Variants in AMPH observed in about 807,000 individuals in gnomAD.
AMPH encodes amphiphysin (Stiff-Mann syndrome with breast cancer 128kD autoantigen).
A neutral mutation model predicts 99.1 loss-of-function variants in AMPH; 49 were observed. That is an observed-to-expected ratio of 0.49 (90% CI 0.39 to 0.63). The LOEUF is 0.63. AMPH is among the 20% of genes least tolerant of loss of function. The probability of loss-of-function intolerance (pLI) is 0.00; values close to 1 mark genes in which losing one functional copy is unlikely to be tolerated. For synonymous variants in AMPH, 314 were observed against 317.3 expected, an observed-to-expected ratio of 0.99 and a Z score of 0.11; for missense variants, 759 against 863.4, an observed-to-expected ratio of 0.88 and a Z score of 1.52.
At chr7:38,520,345 A>ACAT (rs1789910043) in intron 2 of AMPH, among the ~76,000 whole-genome samples, 1 of 152,222 alleles carries the variant, frequency 6.6e-6, no homozygotes, top group African/African-American at 2.4e-5. Context: ...TTGCATGTAT[A>ACAT]GTCATAAATA....
chr7:38,515,511 T>G (rs1789705362), intron 2 of AMPH, among the ~76,000 whole-genome samples: 1 of 152,224 alleles, frequency 6.6e-6, no homozygotes, highest in Non-Finnish European at 1.5e-5. Context: ...TCCCCATCCA[T>G]GCTTCCTGTA....
At chr7:38,495,216 T>G (rs10269341) in intron 3 of AMPH, among the ~76,000 whole-genome samples, 57,503 of 151,930 alleles carry the variant, frequency 0.38, 11,487 homozygotes, top group African/African-American at 0.52. Context: ...TAAATAAGAG[T>G]TAAGTTACCA....
chr7:38,385,419 G>A (rs577820778), intron 20 of AMPH, among the ~76,000 whole-genome samples: 1 of 152,268 alleles, frequency 6.6e-6, no homozygotes, highest in South Asian at 2.1e-4. Context: ...TTCATCCCAA[G>A]CCACTTGCTC....
At chr7:38,605,053 G>C (rs1226765207) in intron 1 of AMPH, among the ~76,000 whole-genome samples, 1 of 147,246 alleles carries the variant, frequency 6.8e-6, no homozygotes, top group Non-Finnish European at 1.5e-5. Context: ...CAAAGATAAA[G>C]CAATTAGCTT....
At chr7:38,405,383 T>C (rs1784955506) in intron 17 of AMPH, among the ~76,000 whole-genome samples, 1 of 152,124 alleles carries the variant, frequency 6.6e-6, no homozygotes, top group South Asian at 2.1e-4. Context: ...ATAAATAGCC[T>C]TAATGTTCCA....
At chr7:38,495,800 T>C (rs1788911126) in intron 3 of AMPH, among the ~76,000 whole-genome samples, 1 of 152,172 alleles carries the variant, frequency 6.6e-6, no homozygotes, top group African/African-American at 2.4e-5. Context: ...GTTTGCAACA[T>C]TAAAGAATAG....
At chr7:38,401,368 T>G (rs1468273510) in intron 17 of AMPH, among the ~76,000 whole-genome samples, 1 of 152,178 alleles carries the variant, frequency 6.6e-6, no homozygotes, top group Non-Finnish European at 1.5e-5. Context: ...GCCCACCACC[T>G]AGGATCCTCA....
chr7:38,540,282 C>T (rs575384389), intron 1 of AMPH, among the ~76,000 whole-genome samples: 27 of 152,226 alleles, frequency 1.8e-4, no homozygotes, highest in African/African-American at 5.8e-4. Flanking sequence ...TTTAGTGCTG[C>T]TGTTTTTCAA....
chr7:38,532,371 A>G (rs894161533), intron 2 of AMPH, among the ~76,000 whole-genome samples: 7 of 152,030 alleles, frequency 4.6e-5, no homozygotes, highest in Admixed American at 4.6e-4. Context: ...GGGTCAAGAG[A>G]CTCCCTGAGA....
chr7:38,446,854 C>A, intron 11 of AMPH, among the ~76,000 whole-genome samples: 1 of 151,972 alleles, frequency 6.6e-6, no homozygotes, highest in Non-Finnish European at 1.5e-5. Flanking sequence ...GTTAAACCTA[C>A]CATAGCACAT....
intron 16 of AMPH, among the ~76,000 whole-genome samples, chr7:38,419,056 C>A (rs1035695265): frequency 4.6e-5 from 7 of 151,694 alleles, no homozygotes; most frequent in African/African-American, 1.7e-4. Flanking sequence ...TCATAAGATC[C>A]TTTTCTATCA....
chr7:38,442,385 T>A (rs1786589982), intron 11 of AMPH, among the ~76,000 whole-genome samples: 1 of 152,184 alleles, frequency 6.6e-6, no homozygotes, highest in African/African-American at 2.4e-5. Flanking sequence ...GTCTATCCTT[T>A]GTTTTAAGAC....
Position 38,495,368 on chromosome 7 carries a change from A to G in AMPH, c.206-841T>C, listed in dbSNP as rs75373577. ...AAACAAGTAAGATAATTATTTACTT[A>G]CTTACTCCAGTTTAGGGTCATGGGT... On this transcript the variant is annotated intron_variant, in intron 3 of 20. Transcript: ENST00000356264. Among the ~76,000 whole-genome samples the G allele has an allele frequency of 3.3e-3, 496 of 152,352 alleles. 5 individuals carry two copies. Among genetic ancestry groups the G allele is most frequent in the African/African-American group, 0.012 (482 of 41,580 alleles).
chr7:38,495,015 T>TA (rs1189320818), intron 3 of AMPH, among the ~76,000 whole-genome samples: 1 of 152,208 alleles, frequency 6.6e-6, no homozygotes, highest in Non-Finnish European at 1.5e-5. Flanking sequence ...CCTAAAATGG[T>TA]AAACACGGTT....
intron 1 of AMPH, among the ~76,000 whole-genome samples, chr7:38,544,691 A>T (rs10262531): frequency 0.96 from 146,359 of 152,326 alleles, 70,365 homozygotes; most frequent in East Asian, 1. Context: ...TTGCAAAATG[A>T]TTAACTTGGT....
At chr7:38,562,796 C>A (rs1791602119) in intron 1 of AMPH, among the ~76,000 whole-genome samples, 2 of 152,072 alleles carry the variant, frequency 1.3e-5, no homozygotes, top group African/African-American at 4.8e-5. Context: ...AATAAACAAA[C>A]AAAAATCAGC....
intron 17 of AMPH, among the ~76,000 whole-genome samples, chr7:38,399,889 C>A (rs939897224): frequency 2.0e-5 from 3 of 152,120 alleles, no homozygotes; most frequent in Non-Finnish European, 2.9e-5. Flanking sequence ...CAAACAGAGA[C>A]TAAAAATGTT....
intron 5 of AMPH, among the ~76,000 whole-genome samples, chr7:38,486,397 A>T (rs917202547): frequency 3.9e-5 from 6 of 152,012 alleles, no homozygotes; most frequent in Admixed American, 6.6e-5. Flanking sequence ...AAGAAATGGA[A>T]GGTTTGAACA....
At chr7:38,410,324 G>A (rs1240614139) in intron 17 of AMPH, among the ~76,000 whole-genome samples, 1 of 152,172 alleles carries the variant, frequency 6.6e-6, no homozygotes, top group Non-Finnish European at 1.5e-5. Flanking sequence ...ACCTGACCCT[G>A]TCAAGCACGA....
Sources: allele counts gnomAD v4.1 joint callset (sites outside exome capture counted in the v4.1 genomes callset), GRCh38; gene constraint gnomAD v4.1.1; transcripts MANE v1.5; gene names NCBI Gene and HGNC (gene_info 2026-07-23, HGNC 2026-07-21).